ELMO1: variants seen among roughly 807,000 people sequenced by gnomAD.
ELMO1 encodes engulfment and cell motility protein 1.
Under a neutral mutation model 98.9 loss-of-function variants are expected in ELMO1, and 26 were observed. That is an observed-to-expected ratio of 0.26 (90% CI 0.19 to 0.36). The LOEUF (loss-of-function observed/expected upper bound fraction) is 0.36, where lower values mean the gene tolerates loss of function less well. Among genes scored for constraint, ELMO1 ranks in the 10% least tolerant of loss-of-function variants. The pLI is 1.00. For missense variants in ELMO1, 627 were observed against 935.2 expected, an observed-to-expected ratio of 0.67 and a Z score of 4.30; for synonymous variants, 346 against 346.0, an observed-to-expected ratio of 1.00 and a Z score of 0.00.
chr7:36,974,880 G>A (rs552798423), intron 16 of ELMO1, among the ~76,000 whole-genome samples: 31 of 151,788 alleles, frequency 2.0e-4, no homozygotes, highest in Non-Finnish European at 4.1e-4. Context: ...AACAACTCCA[G>A]AAGCGCCACC....
intron 20 of ELMO1, among the ~76,000 whole-genome samples, chr7:36,865,675 G>T (rs746683623): frequency 2.0e-5 from 3 of 152,198 alleles, no homozygotes; most frequent in Non-Finnish European, 4.4e-5. Flanking sequence ...TAGATCAGAT[G>T]CCATGTCCTG....
intron 11 of ELMO1, among the ~76,000 whole-genome samples, chr7:37,215,996 T>A (rs1211265804): frequency 2.6e-5 from 4 of 152,022 alleles, no homozygotes; most frequent in Non-Finnish European, 5.9e-5. Context: ...CTTTTCCTTT[T>A]TTTTTTTTTC....
At chr7:36,903,969 C>G (rs754008825) in intron 16 of ELMO1, among the ~76,000 whole-genome samples, 2 of 152,246 alleles carry the variant, frequency 1.3e-5, no homozygotes, top group Admixed American at 6.5e-5. Context: ...TCAGACACCA[C>G]CTGCTACTTG....
chr7:37,203,944 G>C (rs1326712847), intron 13 of ELMO1, among the ~76,000 whole-genome samples: 2 of 151,870 alleles, frequency 1.3e-5, no homozygotes, highest in Non-Finnish European at 2.9e-5. Context: ...CGAAGAGTCA[G>C]GGATTGTTAG....
At chr7:37,048,530 A>C (rs1359782396) in intron 15 of ELMO1, among the ~76,000 whole-genome samples, 1 of 152,240 alleles carries the variant, frequency 6.6e-6, no homozygotes, top group Non-Finnish European at 1.5e-5. Flanking sequence ...AGAGAGTAGA[A>C]GCCTCTGTTT....
In ELMO1 at chr7:37,342,594, A is replaced by AT; in HGVS notation, c.78+18dup. 6.2e-7 allele frequency: 1 copy of AT among 1,612,372 alleles called. No homozygotes were observed. Among genetic ancestry groups the AT allele is most frequent in the Non-Finnish European group, 8.5e-7 (1 of 1,178,398 alleles). The stretch of plus-strand genomic sequence containing the variant: ...AAAGGAAACTGAAAATAGACACCCA[A>AT]TGCTGTCACGTTACTAACCTGATCA... On this transcript the variant is annotated intron_variant, in intron 2 of 21. Coordinates refer to ENST00000310758, the MANE Select transcript of ELMO1 (RefSeq NM_014800.11). This position sits in a 1 kb window ranked among gnomAD's most constrained non-coding sequence, Gnocchi z 4.3.
intron 15 of ELMO1, among the ~76,000 whole-genome samples, chr7:37,094,631 C>T (rs1286884501): frequency 2.0e-5 from 3 of 152,208 alleles, no homozygotes; most frequent in Admixed American, 6.5e-5. Context: ...ACCCTGCCTG[C>T]ACCTGCTCTG....
chr7:37,129,016 C>T (rs1333699069), intron 14 of ELMO1, among the ~76,000 whole-genome samples: 4 of 151,974 alleles, frequency 2.6e-5, no homozygotes, highest in Admixed American at 2.6e-4. Context: ...ATGGCCTTTG[C>T]CATGAGGGCT....
At chr7:37,408,085 C>T (rs916958509) in intron 1 of ELMO1, among the ~76,000 whole-genome samples, 1 of 152,138 alleles carries the variant, frequency 6.6e-6, no homozygotes, top group Non-Finnish European at 1.5e-5. Context: ...TAAACATATA[C>T]AGTAGCATTG....
intron 1 of ELMO1, among the ~76,000 whole-genome samples, chr7:37,442,877 A>T (rs6948301): frequency 0.024 from 3,626 of 152,342 alleles, 134 homozygotes; most frequent in African/African-American, 0.083. Flanking sequence ...AAAAGAAGGA[A>T]CTAACCAGTG....
intron 13 of ELMO1, among the ~76,000 whole-genome samples, chr7:37,188,481 G>T (rs1194886716): frequency 1.4e-5 from 1 of 73,442 alleles, no homozygotes; most frequent in Admixed American, 1.7e-4. Flanking sequence ...GGCCACTGGA[G>T]AAAGGTAAAA....
rs61093902 is a variant in ELMO1 at position 36,866,878 on chromosome 7, C to T, written c.1905+3515G>A. ...AGTCCCAGAGGTAGACAGGAGGGCA[C>T]CTCTGGAGTACGGGGAAAGGGGTGT... On this transcript the variant is annotated intron_variant, in intron 20 of 21. Transcript: ENST00000310758. Among the ~76,000 whole-genome samples, 634 of 152,264 alleles carry T rather than the reference C, an allele frequency of 4.2e-3. 5 individuals carry two copies. The highest frequency in any genetic ancestry group is 0.014 in the African/African-American group (598 of 41,546).
chr7:37,344,475 G>A (rs1465766642), intron 1 of ELMO1, among the ~76,000 whole-genome samples: 1 of 152,222 alleles, frequency 6.6e-6, no homozygotes, highest in East Asian at 1.9e-4. Context: ...GTCCCCTGCT[G>A]TGGGCCATTT....
At chr7:36,911,439 T>G (rs4723596) in intron 16 of ELMO1, among the ~76,000 whole-genome samples, 1 of 152,076 alleles carries the variant, frequency 6.6e-6, no homozygotes, top group Non-Finnish European at 1.5e-5. Context: ...ATACACTTGG[T>G]AAATAAAAAG....
Position 37,342,425 on chromosome 7 carries a change from A to T in ELMO1, c.78+188T>A, listed in dbSNP as rs548180834. On this transcript the variant is annotated intron_variant, in intron 2 of 21. Transcript: ENST00000310758. The surrounding 1 kb of genome is among the most constrained non-coding windows in gnomAD (Gnocchi z 4.3). ...TTGACACAATCCAAGTGGATGCTGG[A>T]AGAGTATAAAAACCCCATCCATCAC... 6.6e-6 allele frequency among the ~76,000 whole-genome samples: 1 copy of T among 152,328 alleles called. No individual in the cohort carries two copies. Among genetic ancestry groups the T allele is most frequent in the African/African-American group, 2.4e-5 (1 of 41,564 alleles).
intron 16 of ELMO1, among the ~76,000 whole-genome samples, chr7:36,961,117 A>G (rs1236396754): frequency 2.0e-5 from 3 of 152,198 alleles, no homozygotes; most frequent in Non-Finnish European, 4.4e-5. Flanking sequence ...ATAGCACAAT[A>G]CTTTGAAAAC....
chr7:37,114,366 CAGAGTCAATAGGATTTTGAAAGT>C (rs1785435122), intron 14 of ELMO1, among the ~76,000 whole-genome samples: 2 of 152,072 alleles, frequency 1.3e-5, no homozygotes, highest in East Asian at 3.9e-4. Context: ...TTCTGGAAAG[CAGAGTCAATAGGATTTTGAAAGT>C]AGAGTCAATA....
At chr7:37,057,375 A>G (rs1204591113) in intron 15 of ELMO1, among the ~76,000 whole-genome samples, 1 of 152,164 alleles carries the variant, frequency 6.6e-6, no homozygotes, top group Non-Finnish European at 1.5e-5. Context: ...TGATCACCAG[A>G]AGGCACAGCC....
chr7:37,052,254 C>A (rs1257644038), intron 15 of ELMO1, among the ~76,000 whole-genome samples: 1 of 152,162 alleles, frequency 6.6e-6, no homozygotes, highest in African/African-American at 2.4e-5. Flanking sequence ...CAAGTTCATC[C>A]GATCTCTGCT....
Sources: gnomAD v4.1 joint callset for allele counts (sites outside exome capture counted in the v4.1 genomes callset) on GRCh38, gnomAD v4.1.1 for gene constraint, Gnocchi (gnomAD v3.1) non-coding constraint, MANE v1.5 for transcripts, NCBI Gene and HGNC (gene_info 2026-07-23, HGNC 2026-07-21) for gene names.